Variants in HS3ST6 observed in about 807,000 individuals in gnomAD.
The protein encoded by HS3ST6 is heparan sulfate-glucosamine 3-sulfotransferase 6, also known as heparan sulfate glucosamine 3-O-sulfotransferase 6.
A neutral mutation model predicts 11.0 loss-of-function variants in HS3ST6; 13 were observed. The observed-to-expected ratio is 1.18, with a 90% CI of 0.77 to 1.88. The LOEUF is 1.88. HS3ST6 is among the 40% of genes most tolerant of loss of function. HS3ST6 has a pLI of 0.00. For missense variants in HS3ST6, 541 were observed against 494.4 expected (o/e 1.09, Z -0.89); for synonymous variants, 232 against 230.6 (o/e 1.01, Z -0.06).
intron 1 of HS3ST6, among the ~76,000 whole-genome samples, chr16:1,917,207 C>T (rs879369843): frequency 6.6e-6 from 1 of 152,332 alleles, no homozygotes; most frequent in Middle Eastern, 3.4e-3. Context: ...TGGCCTTGGG[C>T]AGGGTCCTCT....
Position 1,918,344 on chromosome 16 carries a change from C to T in HS3ST6, c.-21G>A, listed in dbSNP as rs2082941918. On this transcript the variant is annotated 5_prime_UTR_variant, in exon 1 of 2. Transcript: ENST00000454677. The surrounding 1 kb of genome is among the most constrained non-coding windows in gnomAD (Gnocchi z 6.0). ...GCCATGGGGTCGCGCCGCTCCAGGC[C>T]CGGGAGCGGGGGCAGCAGGCGGGCG... is the stretch of plus-strand genomic sequence containing the variant. 1 of 337,334 alleles carries T rather than the reference C, an allele frequency of 3.0e-6. No homozygotes were observed. Among genetic ancestry groups the T allele is most frequent in the Non-Finnish European group, 4.2e-6 (1 of 235,384 alleles). The allele number at this position is 337,334 out of a possible 1,614,324, so 20.9% of individuals were successfully genotyped here.
rs1458915517 is a variant in HS3ST6 at position 1,911,679 on chromosome 16, G to T, written c.940C>A (p.Gln314Lys). ...SKGRPHPRVPQALVRRLQEFY... is the reference protein window; with the variant it reads ...SKGRPHPRVPKALVRRLQEFY... The stretch of plus-strand genomic sequence containing the variant: ...TCCTGCAGGCGCCGGACCAGGGCCT[G>T]GGGCACGCGTGGGTGTGGCCGGCCC... Residue 314 changes from glutamine to lysine, a missense_variant, in exon 2 of 2, where the codon CAG becomes AAG. By Grantham distance (53) the Gln-to-Lys change is moderately conservative (BLOSUM62 1). Coordinates refer to ENST00000454677, the MANE Select transcript of HS3ST6 (RefSeq NM_001009606.4). 4 of 1,611,484 alleles carry T rather than the reference G, an allele frequency of 2.5e-6. No homozygotes were observed. The highest frequency in any genetic ancestry group is 3.4e-6 in the Non-Finnish European group (4 of 1,178,846).
In HS3ST6 at chr16:1,917,971, G is replaced by A. The variant is rs2082937930; in HGVS notation, c.353C>T (p.Ala118Val). 2.0e-6 allele frequency: 3 copies of A among 1,526,854 alleles called. No homozygotes were observed. Among genetic ancestry groups the A allele is most frequent in the East Asian group, 2.6e-5 (1 of 38,050 alleles). 94.6% of individuals were successfully genotyped at this position (1,526,854 alleles called of 1,614,324 possible). ...EFLRLHPDVR[A>V]LGSEPHFFDR... ...GAAGAAGTGGGGCTCAGAGCCCAGC[G>A]CGCGGACGTCGGGGTGCAGCCGCAG... The change falls in exon 1 of 2, where the codon GCG becomes GTG. Residue 118 changes from alanine (A) to valine (V), a missense_variant. By Grantham distance (64) the Ala-to-Val change is moderately conservative. Transcript: ENST00000454677.
chr16:1,913,230 C>G (rs1336651335), intron 1 of HS3ST6, among the ~76,000 whole-genome samples: 1 of 152,242 alleles, frequency 6.6e-6, no homozygotes, highest in Non-Finnish European at 1.5e-5. Context: ...AGGATCCTTC[C>G]CAAGACCCTG....
In HS3ST6 at chr16:1,911,512, G is replaced by C; in HGVS notation, c.*78C>G. On this transcript the variant is annotated 3_prime_UTR_variant, in exon 2 of 2. Coordinates refer to ENST00000454677, the MANE Select transcript of HS3ST6 (RefSeq NM_001009606.4). ...CTTTATTTCTTAAATATTCCTCTCT[G>C]CCCAGCATGTGCACGCAGCCCGCTC... is the stretch of plus-strand genomic sequence containing the variant. The C allele has an allele frequency of 7.1e-7, 1 of 1,412,532 alleles. No individual in the cohort carries two copies. Among genetic ancestry groups the C allele is most frequent in the South Asian group, 1.5e-5 (1 of 68,808 alleles). The allele number at this position is 1,412,532 out of a possible 1,614,324, so 87.5% of individuals were successfully genotyped here. A position where few individuals can be genotyped will look rare whatever the true frequency, so the allele number is the denominator to read the frequency against.
At position 1,911,880 on chromosome 16, in the gene HS3ST6, C is replaced by T. The variant is rs1264604709; in HGVS notation, c.739G>A (p.Val247Ile). The T allele has an allele frequency of 1.9e-6, 3 of 1,606,810 alleles. No homozygotes were observed. The highest frequency in any genetic ancestry group is 1.1e-5 in the South Asian group (1 of 90,278). ...RYFPLSHFLF[V>I]SGERLVSDPA... ...TCGCTGACCAGACGCTCCCCGCTGA[C>T]GAACAGGAAGTGGGACAGGGGGAAG... The change falls in exon 2 of 2, where the codon GTC becomes ATC. Residue 247 changes from valine to isoleucine, a missense_variant. Transcript: ENST00000454677.
chr16:1,915,903 G>A (rs1373012982), intron 1 of HS3ST6, among the ~76,000 whole-genome samples: 2 of 131,628 alleles, frequency 1.5e-5, no homozygotes, highest in East Asian at 5.0e-4. Context: ...AACTAGGTCG[G>A]TCACAGCCCA....
At chr16:1,915,574 CCCT>C (rs1567299052) in intron 1 of HS3ST6, among the ~76,000 whole-genome samples, 1 of 152,234 alleles carries the variant, frequency 6.6e-6, no homozygotes, top group Non-Finnish European at 1.5e-5. Context: ...CTGTGCCCCA[CCCT>C]CCTCTTGCTT....
At position 1,912,752 on chromosome 16, in the gene HS3ST6, C is replaced by T. The variant is rs1013369234; in HGVS notation, c.414-547G>A. 6.6e-6 allele frequency among the ~76,000 whole-genome samples: 1 copy of T among 152,144 alleles called. No homozygotes were observed. Among genetic ancestry groups the T allele is most frequent in the Non-Finnish European group, 1.5e-5 (1 of 68,026 alleles). The stretch of plus-strand genomic sequence containing the variant: ...TGTGTCCTCAACCAAAAGTAGTCCT[C>T]CCTGCTCCCTCCCTCCCCTGATGTA... On this transcript the variant is annotated intron_variant, in intron 1 of 1. Transcript: ENST00000454677. The surrounding 1 kb of genome is among the most constrained non-coding windows in gnomAD (Gnocchi z 5.6).
Position 1,917,934 on chromosome 16 carries a change from G to A in HS3ST6, c.390C>T (p.Tyr130=). The change falls in exon 1 of 2, where the codon TAC becomes TAT. Residue 130 remains tyrosine, a synonymous_variant. Transcript: ENST00000454677. ...ACCGGTACCAGGCGAGGCCGCGCTC[G>A]TAGCACCTGTCGAAGAAGTGGGGCT... ...GSEPHFFDRC[Y]ERGLAWYRSL... is the part of the protein sequence containing the mutation. The A allele has an allele frequency of 6.7e-7, 1 of 1,497,392 alleles. No homozygotes were observed. The highest frequency in any genetic ancestry group is 2.1e-5 in the Admixed American group (1 of 48,442). 92.8% of individuals were successfully genotyped at this position (1,497,392 alleles called of 1,614,324 possible). A position where few individuals can be genotyped will look rare whatever the true frequency, so the allele number is the denominator to read the frequency against.
At chr16:1,913,486 G>C (rs919434103) in intron 1 of HS3ST6, among the ~76,000 whole-genome samples, 1 of 152,238 alleles carries the variant, frequency 6.6e-6, no homozygotes, top group Non-Finnish European at 1.5e-5. Flanking sequence ...CAGCCAGGTA[G>C]TGCAGGGTGA....
Position 1,911,911 on chromosome 16 carries a change from C to A in HS3ST6, c.708G>T (p.Leu236=). The change falls in exon 2 of 2, where the codon CTG becomes CTT. Residue 236 remains leucine, a synonymous_variant. Transcript: ENST00000454677. ...GGAAGTGGGACAGGGGGAAGTAGCG[C>A]AGCCAGTGGTCCAGGTGCTGGGCGT... The part of the protein sequence containing the change: ...GLYAQHLDHW[L]RYFPLSHFLF... 6.2e-7 allele frequency: 1 copy of A among 1,602,216 alleles called. No homozygotes were observed. Among genetic ancestry groups the A allele is most frequent in the Non-Finnish European group, 8.5e-7 (1 of 1,173,040 alleles).
In HS3ST6 at chr16:1,918,309, G is replaced by A. The variant is rs2082941555; in HGVS notation, c.15C>T (p.Gly5=). 4.7e-6 allele frequency: 3 copies of A among 635,134 alleles called. No individual in the cohort carries two copies. Among genetic ancestry groups the A allele is most frequent in the South Asian group, 6.7e-5 (1 of 14,834 alleles). 39.3% of individuals were successfully genotyped at this position (635,134 alleles called of 1,614,324 possible). ...CGCCCCCGGCCCCGCCGCCCAGGCC[G>A]CCGCTACCTGCCATGGGGTCGCGCC... is the stretch of plus-strand genomic sequence containing the variant. MAGS[G]GLGGGAGGGQ... Residue 5 remains glycine, a synonymous_variant, in exon 1 of 2, where the codon GGC becomes GGT. Transcript: ENST00000454677. This position sits in a 1 kb window ranked among gnomAD's most constrained non-coding sequence, Gnocchi z 6.0.
At chr16:1,913,536 C>T (rs753522999) in intron 1 of HS3ST6, among the ~76,000 whole-genome samples, 39 of 152,214 alleles carry the variant, frequency 2.6e-4, no homozygotes, top group Non-Finnish European at 7.4e-5. Flanking sequence ...GCTGAGCAAA[C>T]AGCTCGGAGG....
At position 1,911,618 on chromosome 16, in the gene HS3ST6, AT is replaced by A. The variant is rs2082886571; in HGVS notation, c.1000del (p.Met334Ter). 4 of 1,607,448 alleles carry A rather than the reference AT, an allele frequency of 2.5e-6. No homozygotes were observed. Among genetic ancestry groups the A allele is most frequent in the Non-Finnish European group, 3.4e-6 (4 of 1,177,166 alleles). ...YRPFNRRFYQ[M>X]TGQDFGWG ...GCCCCAGCCGAAGTCCTGGCCCGTC[AT>A]CTGGTAGAACCTGCGGTTGAAGGGC... On this transcript the variant is annotated frameshift_variant, in exon 2 of 2. Coordinates refer to ENST00000454677, the MANE Select transcript of HS3ST6 (RefSeq NM_001009606.4). LOFTEE classifies it high-confidence loss of function.
At chr16:1,917,804 C>G (rs1230275504) in intron 1 of HS3ST6, 107 bp downstream of exon 1, 3 of 905,686 alleles carry the variant, frequency 3.3e-6, no homozygotes, top group Non-Finnish European at 4.5e-6. Flanking sequence ...CTGCCCGGAG[C>G]GCACCCCTGC....
At chr16:1,913,098 C>T (rs148124089) in intron 1 of HS3ST6, among the ~76,000 whole-genome samples, 1 of 152,286 alleles carries the variant, frequency 6.6e-6, no homozygotes, top group African/African-American at 2.4e-5. Flanking sequence ...GGCCTCTCTC[C>T]CCGTCTTTAA....
At chr16:1,914,383 C>G (rs576972446) in intron 1 of HS3ST6, among the ~76,000 whole-genome samples, 68 of 152,286 alleles carry the variant, frequency 4.5e-4, no homozygotes, top group Non-Finnish European at 8.1e-4. Context: ...CCCCCCACCA[C>G]GGGACCTCGC....
chr16:1,920,236 ACGG>A (rs2082955126), upstream of HS3ST6, among the ~76,000 whole-genome samples: 1 of 107,570 alleles, frequency 9.3e-6, no homozygotes, highest in Non-Finnish European at 2.0e-5. Context: ...AGCCATCCCC[ACGG>A]TCTCAGGAGT....
Sources: allele counts gnomAD v4.1 joint callset (sites outside exome capture counted in the v4.1 genomes callset), GRCh38; gene constraint gnomAD v4.1.1; non-coding constraint Gnocchi (gnomAD v3.1); transcripts MANE v1.5; gene names NCBI Gene and HGNC (gene_info 2026-07-23, HGNC 2026-07-21).